Variants in SHLD2 observed in about 807,000 individuals in gnomAD.
The protein encoded by SHLD2 is RINN1-REV7-interacting novel NHEJ regulator 2.
Under a neutral mutation model 73.2 loss-of-function variants are expected in SHLD2, and 30 were observed. The observed-to-expected ratio is 0.41, with a 90% confidence interval of 0.31 to 0.56. SHLD2 has a LOEUF of 0.56. Among genes scored for constraint, SHLD2 ranks in the 20% least tolerant of loss-of-function variants. The pLI, the probability that SHLD2 is intolerant of heterozygous loss-of-function variation, is 0.28. For synonymous variants in SHLD2, 285 were observed against 370.1 expected, an observed-to-expected ratio of 0.77 and a Z score of 2.64; for missense variants, 745 against 1,055.9, an observed-to-expected ratio of 0.71 and a Z score of 4.08.
At chr10:87,119,777 C>CAAAA (rs35259056) in intron 2 of SHLD2, among the ~76,000 whole-genome samples, 2 of 128,738 alleles carry the variant, frequency 1.6e-5, no homozygotes, top group Non-Finnish European at 3.4e-5. Flanking sequence ...GACTCTGTCT[C>CAAAA]AAAAAAAAAA....
intron 4 of SHLD2, among the ~76,000 whole-genome samples, chr10:87,163,969 T>G (rs563011304): frequency 6.6e-6 from 1 of 151,142 alleles, no homozygotes; most frequent in African/African-American, 2.4e-5. Context: ...TTCTTTTTTT[T>G]TTTTTTGAGA....
At position 87,152,517 on chromosome 10, in the gene SHLD2, A is replaced by G; in HGVS notation, c.1163A>G (p.Gln388Arg). 6.2e-7 allele frequency: 1 copy of G among 1,611,992 alleles called. No homozygotes were observed. The highest frequency in any genetic ancestry group is 1.7e-5 in the Admixed American group (1 of 60,016). ...RSCTSEDKVGQSEALSRVLQV... is the reference protein window; with the variant it reads ...RSCTSEDKVGRSEALSRVLQV... ...TGTACCTCTGAAGATAAAGTGGGCCAGTCTGAAGCTCTATCTAGAGTCCTT... is the reference window on the plus strand; with the variant it reads ...TGTACCTCTGAAGATAAAGTGGGCCGGTCTGAAGCTCTATCTAGAGTCCTT... The change falls in exon 3 of 10, where the codon CAG becomes CGG. Residue 388 changes from glutamine (Q) to arginine (R), a missense_variant. Around this residue, in one of 5 missense-constraint regions of SHLD2, gnomAD observed 20 missense variants for 26.9 expected, o/e 0.74. Coordinates refer to ENST00000298786, the MANE Select transcript of SHLD2 (RefSeq NM_001330112.2).
intron 2 of SHLD2, among the ~76,000 whole-genome samples, chr10:87,124,962 C>G (rs1355232271): frequency 6.6e-6 from 1 of 152,004 alleles, no homozygotes; most frequent in Non-Finnish European, 1.5e-5. Context: ...AGGCTGGTCT[C>G]TAACTCCTGG....
chr10:87,100,494 T>TC (rs1842193907), intron 2 of SHLD2, among the ~76,000 whole-genome samples: 2 of 151,962 alleles, frequency 1.3e-5, no homozygotes, highest in South Asian at 2.1e-4. Context: ...TTTTTTTTTT[T>TC]CGAAATGGAG....
intron 2 of SHLD2, among the ~76,000 whole-genome samples, chr10:87,102,916 G>A (rs928143549): frequency 6.6e-6 from 1 of 151,426 alleles, no homozygotes; most frequent in African/African-American, 2.4e-5. Context: ...TTTAAAACAA[G>A]GTACTAAAAA....
At chr10:87,185,730 G>C (rs1450335287) in intron 8 of SHLD2, among the ~76,000 whole-genome samples, 1 of 151,908 alleles carries the variant, frequency 6.6e-6, no homozygotes, top group African/African-American at 2.4e-5. Context: ...TCTACTTTGA[G>C]TTAAGTTTTG....
intron 2 of SHLD2, among the ~76,000 whole-genome samples, chr10:87,129,867 T>C (rs1844304990): frequency 6.6e-6 from 1 of 152,102 alleles, no homozygotes; most frequent in Admixed American, 6.6e-5. Context: ...GCATTTCTCT[T>C]GCCTCAGCCT....
chr10:87,124,753 T>G (rs1172599716), intron 2 of SHLD2, among the ~76,000 whole-genome samples: 8 of 151,472 alleles, frequency 5.3e-5, no homozygotes, highest in Non-Finnish European at 1.2e-4. Context: ...ATTGTTTTTT[T>G]TTTTTTTTTT....
intron 4 of SHLD2, among the ~76,000 whole-genome samples, chr10:87,162,891 T>C (rs1487064462): frequency 6.6e-6 from 1 of 152,182 alleles, no homozygotes; most frequent in Non-Finnish European, 1.5e-5. Context: ...TGCAAATTGC[T>C]ACAACCCTTG....
rs1842640276 is a variant in SHLD2, at chr10:87,107,058, T to A, written c.-6+10069T>A. On this transcript the variant is annotated intron_variant, in intron 2 of 9. Coordinates refer to ENST00000298786, the MANE Select transcript of SHLD2 (RefSeq NM_001330112.2). ...ACTAGTGAAGCACAGAGAGACTATT[T>A]TTTTTCTATAGATATTAATCTAAAG... Among the ~76,000 whole-genome samples, 6 of 148,514 alleles carry A rather than the reference T, an allele frequency of 4.0e-5. No individual in the cohort carries two copies. In the South Asian group the frequency reaches 1.3e-3, roughly 31 times the overall value.
At chr10:87,099,613 T>C (rs1177928548) in intron 2 of SHLD2, among the ~76,000 whole-genome samples, 1 of 152,264 alleles carries the variant, frequency 6.6e-6, no homozygotes, top group African/African-American at 2.4e-5. Flanking sequence ...TGAATGATGC[T>C]GCGGTGAACT....
chr10:87,104,491 G>A lies in SHLD2; in HGVS notation c.-6+7502G>A, dbSNP rs554332991. On this transcript the variant is annotated intron_variant, in intron 2 of 9. Transcript: ENST00000298786. ...GAACCCGGGAGTGAGCCGAGATGGC[G>A]CCACTGCACTCTAGCTTGGGTGACA... 1.2e-4 allele frequency among the ~76,000 whole-genome samples: 18 copies of A among 150,548 alleles called. No homozygotes were observed. In the East Asian group the frequency reaches 3.1e-3, roughly 26 times the overall value.
At chr10:87,110,862 T>G (rs1842875917) in intron 2 of SHLD2, among the ~76,000 whole-genome samples, 1 of 151,640 alleles carries the variant, frequency 6.6e-6, no homozygotes, top group African/African-American at 2.4e-5. Context: ...TTTTTTTTGG[T>G]GAGATGGAGT....
chr10:87,188,948 G>A (rs1848820591), intron 9 of SHLD2, among the ~76,000 whole-genome samples: 1 of 149,660 alleles, frequency 6.7e-6, no homozygotes, highest in Non-Finnish European at 1.5e-5. Context: ...TATTCTTTTG[G>A]CTATTTTCAT....
intron 2 of SHLD2, among the ~76,000 whole-genome samples, chr10:87,143,134 A>G (rs1394410125): frequency 6.6e-6 from 1 of 151,576 alleles, no homozygotes; most frequent in Non-Finnish European, 1.5e-5. Context: ...TAGTCTTACC[A>G]TGTTGCCTAG....
chr10:87,156,902 G>A (rs4405221), intron 3 of SHLD2, among the ~76,000 whole-genome samples: 2 of 152,138 alleles, frequency 1.3e-5, no homozygotes, highest in African/African-American at 4.8e-5. Flanking sequence ...ATGCTCTGAT[G>A]AATGACTCAT....
At chr10:87,174,627 A>G (rs1246216480) in intron 6 of SHLD2, among the ~76,000 whole-genome samples, 3 of 152,020 alleles carry the variant, frequency 2.0e-5, no homozygotes, top group East Asian at 3.8e-4. Context: ...GGTGTAGTAA[A>G]TTAGATTTAT....
Position 87,180,190 on chromosome 10 carries a change from C to T in SHLD2, c.2286C>T (p.Asn762=), listed in dbSNP as rs769066752. 5 of 1,613,268 alleles carry T rather than the reference C, an allele frequency of 3.1e-6. No individual in the cohort carries two copies. The Admixed American group carries it at 8.3e-5, about 27-fold the overall frequency. Residue 762 remains asparagine (N), a synonymous_variant, in exon 8 of 10, where the codon AAC becomes AAT. Coordinates refer to ENST00000298786, the MANE Select transcript of SHLD2 (RefSeq NM_001330112.2). ...SLKSIFSSLP[N]IVYTGCAKCG... ...AGAGTATTTTTTCTTCTCTTCCCAA[C>T]ATCGTATATACTGGTTGTGCAAAAT...
intron 4 of SHLD2, among the ~76,000 whole-genome samples, chr10:87,162,401 T>G (rs1846881159): frequency 6.6e-6 from 1 of 152,218 alleles, no homozygotes; most frequent in Admixed American, 6.5e-5. Flanking sequence ...TTTTAAACCC[T>G]GAGTGACAAA....
Sources: gnomAD v4.1 joint callset for allele counts (sites outside exome capture counted in the v4.1 genomes callset) on GRCh38, gnomAD v4.1.1 for gene constraint, gnomAD v4.1.1 regional missense constraint, MANE v1.5 for transcripts, NCBI Gene and HGNC (gene_info 2026-07-23, HGNC 2026-07-21) for gene names.